FAM13B: variants seen among roughly 807,000 people sequenced by gnomAD.
FAM13B encodes the protein family with sequence similarity 13 member B, also known as protein FAM13B.
In FAM13B, 60 loss-of-function variants were observed where a neutral mutation model predicts 117.3. The ratio of observed to expected loss-of-function variants is 0.51; its 90% confidence interval spans 0.42 to 0.63. The LOEUF (loss-of-function observed/expected upper bound fraction) is 0.63, where lower values mean the gene tolerates loss of function less well. FAM13B is among the 30% of genes least tolerant of loss of function. The pLI is 0.00. For synonymous variants in FAM13B, 332 were observed against 356.1 expected (o/e 0.93, Z 0.76); for missense variants, 972 against 1,091.9 (o/e 0.89, Z 1.55).
intron 18 of FAM13B, among the ~76,000 whole-genome samples, chr5:137,947,465 G>A (rs1763743545): frequency 6.6e-6 from 1 of 152,168 alleles, no homozygotes; most frequent in African/African-American, 2.4e-5. Flanking sequence ...CTAAAAGAAA[G>A]GGCTTGGTGC....
intron 20 of FAM13B, among the ~76,000 whole-genome samples, chr5:137,944,805 G>A (rs138783570): frequency 2.6e-5 from 4 of 151,382 alleles, no homozygotes; most frequent in African/African-American, 7.3e-5. Flanking sequence ...GGGATAACAC[G>A]GATGTAGGTG....
chr5:138,040,574 A>G (rs1179962544), intron 1 of FAM13B, among the ~76,000 whole-genome samples: 1 of 152,060 alleles, frequency 6.6e-6, no homozygotes, highest in Non-Finnish European at 1.5e-5. Context: ...TCTCAAAAAC[A>G]AAACAAACAA....
chr5:138,033,170 A>G (rs963771495), upstream of FAM13B: 7 of 519,904 alleles, frequency 1.3e-5, no homozygotes, highest in South Asian at 5.8e-4. Flanking sequence ...CCCCACCCCC[A>G]CAGCATTCCG....
chr5:137,963,805 T>C (rs970125009), intron 10 of FAM13B, among the ~76,000 whole-genome samples: 19 of 152,308 alleles, frequency 1.2e-4, no homozygotes, highest in Non-Finnish European at 2.9e-5. Flanking sequence ...GACCCTATTG[T>C]GAGCTGTGCA....
intron 11 of FAM13B, among the ~76,000 whole-genome samples, chr5:137,961,708 C>G (rs142650413): frequency 6.1e-4 from 93 of 152,316 alleles, no homozygotes; most frequent in African/African-American, 2.2e-3. Context: ...TACAATCTAG[C>G]CTGCAACTTC....
intron 10 of FAM13B, among the ~76,000 whole-genome samples, chr5:137,966,480 T>TAGAGAGAGAG (rs1452687913): frequency 4.7e-4 from 28 of 59,060 alleles, no homozygotes; most frequent in East Asian, 2.3e-3. Flanking sequence ...TATATATATA[T>TAGAGAGAGAG]ATATATATAG....
At chr5:137,971,557 A>G (rs1224287005) in intron 10 of FAM13B, among the ~76,000 whole-genome samples, 5 of 150,600 alleles carry the variant, frequency 3.3e-5, no homozygotes, top group Non-Finnish European at 7.4e-5. Flanking sequence ...AAGAACTAGA[A>G]AAGCAAGAGC....
intron 10 of FAM13B, among the ~76,000 whole-genome samples, chr5:137,966,459 T>TTATATATATATATATA (rs373885448): frequency 4.0e-5 from 2 of 50,284 alleles, no homozygotes; most frequent in Non-Finnish European, 3.5e-5. Context: ...GAAATAGATT[T>TTATATATATATATATA]TATATATATA....
intron 10 of FAM13B, among the ~76,000 whole-genome samples, chr5:137,969,079 C>T (rs922960053): frequency 8.3e-4 from 127 of 152,106 alleles, no homozygotes; most frequent in Non-Finnish European, 9.6e-4. Context: ...ACAAAGCAGC[C>T]GGGAAGCTCT....
In FAM13B at chr5:138,002,283, CT is replaced by C. The variant is rs568844684; in HGVS notation, c.848+4706del. ...GTGGCTCACACCTGTTATCCCAACACTTTGAAAGGCCGAGACGGGTGGATCA... is the reference window on the plus strand; with the variant it reads ...GTGGCTCACACCTGTTATCCCAACACTTGAAAGGCCGAGACGGGTGGATCA... On this transcript the variant is annotated intron_variant, in intron 7 of 23. Coordinates refer to ENST00000689681, the MANE Select transcript of FAM13B (RefSeq NM_001385994.1). Among the ~76,000 whole-genome samples, 45 of 152,290 alleles carry C rather than the reference CT, an allele frequency of 3.0e-4. 1 individual carries two copies. The South Asian group carries it at 9.1e-3, about 31-fold the overall frequency.
intron 1 of FAM13B, among the ~76,000 whole-genome samples, chr5:138,024,050 T>G (rs1182271571): frequency 1.3e-5 from 2 of 152,152 alleles, no homozygotes; most frequent in African/African-American, 4.8e-5. Flanking sequence ...GCAAAGTAGT[T>G]GACATTATTT....
chr5:137,995,079 A>G (rs147760284), intron 7 of FAM13B, among the ~76,000 whole-genome samples: 21 of 152,354 alleles, frequency 1.4e-4, no homozygotes, highest in African/African-American at 4.6e-4. Flanking sequence ...AACATCAGGT[A>G]AAGACTTCAT....
chr5:137,961,601 C>G (rs1768142201), intron 11 of FAM13B, among the ~76,000 whole-genome samples: 1 of 152,164 alleles, frequency 6.6e-6, no homozygotes, highest in Admixed American at 6.5e-5. Flanking sequence ...AAAGAACAGG[C>G]TTCCTACTTA....
intron 1 of FAM13B, chr5:138,039,256 G>T (rs890739354): frequency 4.6e-5 from 7 of 152,170 alleles, no homozygotes; most frequent in African/African-American, 1.7e-4. Flanking sequence ...CCCTCTGCCT[G>T]TATCCATATA....
chr5:137,956,193 T>C (rs1192752887), intron 14 of FAM13B, among the ~76,000 whole-genome samples: 1 of 152,220 alleles, frequency 6.6e-6, no homozygotes. Flanking sequence ...GAATTAAAAA[T>C]TGGGTACAAA....
At chr5:137,999,439 G>C (rs1780651395) in intron 7 of FAM13B, among the ~76,000 whole-genome samples, 1 of 151,974 alleles carries the variant, frequency 6.6e-6, no homozygotes, top group Admixed American at 6.6e-5. Flanking sequence ...AGCCAGGTGT[G>C]GTGGCACGCA....
intron 1 of FAM13B, among the ~76,000 whole-genome samples, chr5:138,024,344 G>A (rs1183072638): frequency 6.6e-6 from 1 of 151,982 alleles, no homozygotes; most frequent in African/African-American, 2.4e-5. Context: ...TGAAGACAGG[G>A]AGAAACTGGA....
intron 2 of FAM13B, among the ~76,000 whole-genome samples, chr5:138,019,640 T>C (rs1376183845): frequency 1.3e-5 from 2 of 152,116 alleles, no homozygotes; most frequent in Non-Finnish European, 2.9e-5. Context: ...AAGAACAAGA[T>C]TAATGAGTTC....
At chr5:138,018,274 C>T in intron 4 of FAM13B, 28 bp downstream of exon 4, 1 of 1,540,436 alleles carries the variant, frequency 6.5e-7, no homozygotes, top group African/African-American at 1.4e-5. Flanking sequence ...CAACAAATGA[C>T]CAATTGATAA....
Sources: gnomAD v4.1 joint callset for allele counts (sites outside exome capture counted in the v4.1 genomes callset) on GRCh38, gnomAD v4.1.1 for gene constraint, MANE v1.5 for transcripts, NCBI Gene and HGNC (gene_info 2026-07-23, HGNC 2026-07-21) for gene names.